Variants in CDH18 observed in about 807,000 individuals in gnomAD.
CDH18 encodes the protein cadherin 18, also known as cadherin-18.
CDH18 carries 31 observed loss-of-function variants against 67.9 expected under a neutral mutation model. That is an observed-to-expected ratio of 0.46 (90% CI 0.34 to 0.62). The LOEUF is 0.62. Ranked by LOEUF, CDH18 falls within the 20% of genes least tolerant of loss-of-function variation. The probability of loss-of-function intolerance (pLI) is 0.01; values close to 1 mark genes in which losing one functional copy is unlikely to be tolerated. For missense variants in CDH18, 890 were observed against 975.5 expected, an observed-to-expected ratio of 0.91 and a Z score of 1.17; for synonymous variants, 362 against 347.2, an observed-to-expected ratio of 1.04 and a Z score of -0.48.
chr5:19,821,021 C>T (rs561039067), intron 3 of CDH18, among the ~76,000 whole-genome samples: 3 of 152,212 alleles, frequency 2.0e-5, no homozygotes, highest in African/African-American at 2.4e-5. Context: ...GACATTGGCA[C>T]AAAAACTCCA....
intron 2 of CDH18, among the ~76,000 whole-genome samples, chr5:20,247,047 C>G (rs1172613252): frequency 6.6e-6 from 1 of 152,148 alleles, no homozygotes; most frequent in Non-Finnish European, 1.5e-5. Flanking sequence ...ATCTCCTCAT[C>G]CACAGGAGCC....
chr5:20,117,489 T>G (rs1309151879), intron 2 of CDH18, among the ~76,000 whole-genome samples: 1 of 152,200 alleles, frequency 6.6e-6, no homozygotes, highest in African/African-American at 2.4e-5. Flanking sequence ...ACAGTATTTG[T>G]TTAGAGCTAG....
chr5:19,920,893 G>GCACGCACA (rs1792362344), intron 2 of CDH18, among the ~76,000 whole-genome samples: 2 of 146,104 alleles, frequency 1.4e-5, no homozygotes, highest in Non-Finnish European at 3.0e-5. Flanking sequence ...ACCCACAAGA[G>GCACGCACA]CACACACACA....
chr5:20,554,392 T>C (rs920821612), intron 1 of CDH18, among the ~76,000 whole-genome samples: 2 of 152,252 alleles, frequency 1.3e-5, no homozygotes, highest in African/African-American at 4.8e-5. Context: ...TTATTCTTTA[T>C]CTTCAATATT....
chr5:19,490,394 G>GTTTTTTTTTTTTTTTTTTT (rs70950073), intron 11 of CDH18, among the ~76,000 whole-genome samples: 7 of 60,210 alleles, frequency 1.2e-4, no homozygotes, highest in African/African-American at 2.7e-4. Context: ...ATAAAAATCT[G>GTTTTTTTTTTTTTTTTTTT]TTTTTTTTTT....
intron 5 of CDH18, among the ~76,000 whole-genome samples, chr5:19,655,891 T>C (rs1472034289): frequency 6.6e-6 from 1 of 152,106 alleles, no homozygotes; most frequent in Non-Finnish European, 1.5e-5. Context: ...CCAAAGTCAA[T>C]TGCTTCTTCT....
At chr5:19,656,697 T>C (rs1172119819) in intron 5 of CDH18, among the ~76,000 whole-genome samples, 1 of 152,104 alleles carries the variant, frequency 6.6e-6, no homozygotes, top group Non-Finnish European at 1.5e-5. Context: ...TAGGTTTCTG[T>C]TGACAAATAT....
At chr5:20,477,558 G>A (rs1019630144) in intron 1 of CDH18, among the ~76,000 whole-genome samples, 5 of 152,204 alleles carry the variant, frequency 3.3e-5, no homozygotes, top group East Asian at 1.9e-4. Flanking sequence ...GGCAGAATTC[G>A]GATAGAGCCC....
chr5:19,631,715 T>TA (rs1752443804), intron 5 of CDH18, among the ~76,000 whole-genome samples: 3 of 152,188 alleles, frequency 2.0e-5, no homozygotes, highest in South Asian at 4.1e-4. Context: ...TAACTACATT[T>TA]AAAATCACTG....
intron 3 of CDH18, among the ~76,000 whole-genome samples, chr5:19,783,439 T>C (rs1775353847): frequency 6.6e-6 from 1 of 152,192 alleles, no homozygotes; most frequent in African/African-American, 2.4e-5. Context: ...ATTACATTTT[T>C]CTGCTTTCAA....
At chr5:20,312,414 T>C (rs753225712) in intron 1 of CDH18, among the ~76,000 whole-genome samples, 1 of 152,108 alleles carries the variant, frequency 6.6e-6, no homozygotes, top group Non-Finnish European at 1.5e-5. Context: ...AGATAAAAAA[T>C]AGAAGACAAA....
intron 5 of CDH18, among the ~76,000 whole-genome samples, chr5:19,686,929 T>A (rs1417731068): frequency 6.6e-6 from 1 of 152,166 alleles, no homozygotes; most frequent in Non-Finnish European, 1.5e-5. Flanking sequence ...AATGGCTGAC[T>A]AAGACATCTA....
At chr5:19,846,933 C>G (rs1312911428) in intron 2 of CDH18, among the ~76,000 whole-genome samples, 4 of 151,330 alleles carry the variant, frequency 2.6e-5, no homozygotes, top group Admixed American at 2.6e-4. Flanking sequence ...TTTCTTTTAC[C>G]TTTAGCACTT....
intron 2 of CDH18, among the ~76,000 whole-genome samples, chr5:20,119,800 T>C (rs932858046): frequency 2.0e-5 from 3 of 152,080 alleles, no homozygotes; most frequent in African/African-American, 7.2e-5. Flanking sequence ...TAATTACGCA[T>C]GGGAAAAACA....
chr5:19,631,382 T>C (rs1047792269), intron 5 of CDH18, among the ~76,000 whole-genome samples: 4 of 152,188 alleles, frequency 2.6e-5, no homozygotes, highest in Admixed American at 6.5e-5. Context: ...TCTCGATTTG[T>C]CAATTTTTTC....
chr5:20,338,564 A>G (rs1739981563), intron 1 of CDH18, among the ~76,000 whole-genome samples: 1 of 152,290 alleles, frequency 6.6e-6, no homozygotes, highest in African/African-American at 2.4e-5. Context: ...AGCTAGACAG[A>G]TGTTTGCTTC....
chr5:19,864,310 T>C (rs540004764), intron 2 of CDH18, among the ~76,000 whole-genome samples: 4 of 144,568 alleles, frequency 2.8e-5, no homozygotes, highest in Admixed American at 2.2e-4. Flanking sequence ...TTCTCACTCA[T>C]AGGTGGGAAT....
intron 2 of CDH18, among the ~76,000 whole-genome samples, chr5:20,080,018 C>T (rs1744312319): frequency 6.6e-6 from 1 of 152,078 alleles, no homozygotes; most frequent in Non-Finnish European, 1.5e-5. Flanking sequence ...GAACTCACCT[C>T]CAAATAACAT....
chr5:19,925,557 C>T (rs948792233), intron 2 of CDH18, among the ~76,000 whole-genome samples: 1 of 151,948 alleles, frequency 6.6e-6, no homozygotes, highest in Admixed American at 6.6e-5. Context: ...GGCATGATCT[C>T]GGCTCACTGC....
Sources: allele counts gnomAD v4.1 joint callset (sites outside exome capture counted in the v4.1 genomes callset), GRCh38; gene constraint gnomAD v4.1.1; transcripts MANE v1.5; gene names NCBI Gene and HGNC (gene_info 2026-07-23, HGNC 2026-07-21).